Variants in SERGEF observed in about 807,000 individuals in gnomAD.
SERGEF encodes the protein secretion-regulating guanine nucleotide exchange factor.
In SERGEF, 51 loss-of-function variants were observed where a neutral mutation model predicts 50.0. The ratio of observed to expected loss-of-function variants is 1.02; its 90% confidence interval spans 0.81 to 1.29. The LOEUF (loss-of-function observed/expected upper bound fraction) is 1.29. SERGEF is among the 50% of genes most tolerant of loss of function. SERGEF has a pLI of 0.00. For synonymous variants in SERGEF, 205 were observed against 212.4 expected (o/e 0.97, Z 0.30); for missense variants, 521 against 557.0 (o/e 0.94, Z 0.65).
intron 6 of SERGEF, among the ~76,000 whole-genome samples, chr11:17,993,542 T>C: frequency 6.6e-6 from 1 of 152,230 alleles, no homozygotes. Context: ...CTGGGCTTCT[T>C]TCTCCAAATT....
At chr11:17,836,487 T>C (rs1353622920) in intron 10 of SERGEF, among the ~76,000 whole-genome samples, 3 of 152,220 alleles carry the variant, frequency 2.0e-5, no homozygotes, top group African/African-American at 7.2e-5. Flanking sequence ...ATAGAACAGC[T>C]ATTTTCTTTC....
At chr11:17,921,335 A>G (rs1161818444) in intron 9 of SERGEF, among the ~76,000 whole-genome samples, 1 of 152,252 alleles carries the variant, frequency 6.6e-6, no homozygotes, top group Non-Finnish European at 1.5e-5. Context: ...AGACTGAAGG[A>G]AGATTGGCTT....
intron 10 of SERGEF, among the ~76,000 whole-genome samples, chr11:17,848,674 G>C (rs771010479): frequency 6.6e-6 from 1 of 152,088 alleles, no homozygotes; most frequent in East Asian, 1.9e-4. Flanking sequence ...CCAAATGTTA[G>C]TAAAATTAGG....
At chr11:17,841,286 G>C (rs1307328346) in intron 10 of SERGEF, among the ~76,000 whole-genome samples, 2 of 152,216 alleles carry the variant, frequency 1.3e-5, no homozygotes, top group African/African-American at 4.8e-5. Context: ...TTCAAATTCA[G>C]ATCAGATCTT....
intron 10 of SERGEF, among the ~76,000 whole-genome samples, chr11:17,836,020 T>C (rs1590145354): frequency 1.3e-5 from 2 of 152,226 alleles, no homozygotes; most frequent in East Asian, 3.8e-4. Context: ...AGAGCTGGAA[T>C]TAGAACCCAG....
chr11:17,950,194 T>C (rs1362372728), intron 9 of SERGEF, among the ~76,000 whole-genome samples: 1 of 152,202 alleles, frequency 6.6e-6, no homozygotes, highest in Non-Finnish European at 1.5e-5. Context: ...GCTCAGCACC[T>C]GCTGTGTGCT....
chr11:17,870,352 A>G (rs1851116408), intron 10 of SERGEF, among the ~76,000 whole-genome samples: 1 of 152,234 alleles, frequency 6.6e-6, no homozygotes, highest in Non-Finnish European at 1.5e-5. Context: ...TTAAATGTAG[A>G]AAAGGGAGGC....
At chr11:18,008,914 C>T (rs1301694707) in intron 1 of SERGEF, among the ~76,000 whole-genome samples, 1 of 152,034 alleles carries the variant, frequency 6.6e-6, no homozygotes, top group African/African-American at 2.4e-5. Flanking sequence ...CCTACAGGGT[C>T]CAACCTGAAG....
At chr11:17,863,592 T>C (rs1323945231) in intron 10 of SERGEF, 1 of 152,196 alleles carries the variant, frequency 6.6e-6, no homozygotes, top group Non-Finnish European at 1.5e-5. Context: ...CTAGTTCTTA[T>C]CATGGTCTGC....
chr11:17,995,456 C>G (rs1303306524), intron 6 of SERGEF, among the ~76,000 whole-genome samples: 5 of 152,148 alleles, frequency 3.3e-5, no homozygotes, highest in Non-Finnish European at 7.4e-5. Flanking sequence ...TAAATTCAAT[C>G]TGAGTTTCAG....
intron 9 of SERGEF, among the ~76,000 whole-genome samples, chr11:17,904,628 C>T (rs778429641): frequency 2.0e-5 from 3 of 152,198 alleles, no homozygotes; most frequent in Non-Finnish European, 4.4e-5. Context: ...CTATGTCAGC[C>T]TCTGAGTAGA....
At chr11:17,892,207 T>A (rs974105177) in intron 9 of SERGEF, among the ~76,000 whole-genome samples, 21 of 152,216 alleles carry the variant, frequency 1.4e-4, no homozygotes, top group African/African-American at 5.1e-4. Flanking sequence ...ATCCACATCC[T>A]TTGCCATGAA....
At chr11:17,922,596 G>A (rs1852179430) in intron 9 of SERGEF, among the ~76,000 whole-genome samples, 1 of 152,138 alleles carries the variant, frequency 6.6e-6, no homozygotes, top group Non-Finnish European at 1.5e-5. Context: ...TGGTACTCAG[G>A]AGTTTACTCA....
At chr11:17,905,140 C>A (rs1851814029) in intron 9 of SERGEF, among the ~76,000 whole-genome samples, 1 of 152,232 alleles carries the variant, frequency 6.6e-6, no homozygotes. Context: ...GACAACATTC[C>A]TCATACTGGA....
intron 9 of SERGEF, among the ~76,000 whole-genome samples, chr11:17,878,919 C>T (rs765487888): frequency 6.6e-6 from 1 of 152,208 alleles, no homozygotes; most frequent in Non-Finnish European, 1.5e-5. Flanking sequence ...TGCTTCTAGG[C>T]AGACTCAGGT....
At chr11:17,827,720 C>A (rs966921168) in intron 10 of SERGEF, among the ~76,000 whole-genome samples, 3 of 152,116 alleles carry the variant, frequency 2.0e-5, no homozygotes, top group African/African-American at 7.2e-5. Context: ...CACGAACTTC[C>A]AGATAACAAA....
At chr11:17,993,175 G>A (rs1853757761) in intron 6 of SERGEF, among the ~76,000 whole-genome samples, 182 bp from the exon 7 acceptor site, 1 of 152,196 alleles carries the variant, frequency 6.6e-6, no homozygotes, top group Non-Finnish European at 1.5e-5. Context: ...CATGCCAGGA[G>A]ATTGAACAAT....
At chr11:17,957,038 A>G (rs1852889616) in intron 9 of SERGEF, among the ~76,000 whole-genome samples, 1 of 152,210 alleles carries the variant, frequency 6.6e-6, no homozygotes, top group Non-Finnish European at 1.5e-5. Context: ...TTTACCAGAG[A>G]GTAATAGCCT....
intron 10 of SERGEF, among the ~76,000 whole-genome samples, chr11:17,867,231 G>GTT: frequency 6.6e-6 from 1 of 152,344 alleles, no homozygotes; most frequent in Admixed American, 6.5e-5. Flanking sequence ...AAAATCAAAA[G>GTT]TAAGTTAGTT....
Sources: gnomAD v4.1 joint callset for allele counts (sites outside exome capture counted in the v4.1 genomes callset) on GRCh38, gnomAD v4.1.1 for gene constraint, MANE v1.5 for transcripts, NCBI Gene and HGNC (gene_info 2026-07-23, HGNC 2026-07-21) for gene names.